The following HPF1 variants were observed in gnomAD, a reference collection of about 807,000 sequenced individuals.
The protein encoded by HPF1 is UPF0609 protein C4orf27.
A neutral mutation model predicts 38.8 loss-of-function variants in HPF1; 35 were observed. That is an observed-to-expected ratio of 0.90 (90% confidence interval 0.69 to 1.19). The LOEUF (loss-of-function observed/expected upper bound fraction) is 1.19. Ranked by LOEUF, HPF1 falls within the 50% of genes most tolerant of loss-of-function variation. The probability of loss-of-function intolerance (pLI) is 0.00; values close to 1 mark genes in which losing one functional copy is unlikely to be tolerated. For missense variants in HPF1, 367 were observed against 405.8 expected (o/e 0.90, Z 0.82); for synonymous variants, 115 against 139.2 (o/e 0.83, Z 1.22).
intron 7 of HPF1, among the ~76,000 whole-genome samples, chr4:169,730,913 C>A (rs1236787292): frequency 6.6e-6 from 1 of 152,186 alleles, no homozygotes; most frequent in South Asian, 2.1e-4. Context: ...TTGTGTGAAC[C>A]TGGGCAAGAT....
In HPF1 at chr4:169,743,481, A is replaced by AT. The variant is rs71590033; in HGVS notation, c.498-1375dup. 7.9e-4 allele frequency among the ~76,000 whole-genome samples: 96 copies of AT among 121,154 alleles called. 1 individual carries two copies. The Middle Eastern group carries it at 0.031, about 39-fold the overall frequency. The allele number at this position is 121,154 out of a possible 152,430, so 79.5% of individuals were successfully genotyped here. ...CTATTATAACACTAAAGGTCGATAG[A>AT]TTTTTTTTTTAATGTTGAAGTTTGT... On this transcript the variant is annotated intron_variant, in intron 4 of 7. Transcript: ENST00000393381.
In HPF1 at chr4:169,740,208, G is replaced by A. The variant is rs1257460043; in HGVS notation, c.648+1749C>T. Among the ~76,000 whole-genome samples the A allele has an allele frequency of 3.9e-5, 6 of 152,228 alleles. No individual in the cohort carries two copies. In the South Asian group the frequency reaches 8.3e-4, roughly 21 times the overall value. ...GCAGAGAGCCAATTAGTAAGAAGAT[G>A]GGGTGGAAAGAATGCTAAATATGGA... On this transcript the variant is annotated intron_variant, in intron 5 of 7. Transcript: ENST00000393381.
chr4:169,751,873 T>C (rs1734123542), intron 2 of HPF1, among the ~76,000 whole-genome samples: 1 of 152,206 alleles, frequency 6.6e-6, no homozygotes, highest in Non-Finnish European at 1.5e-5. Flanking sequence ...TATTATACAG[T>C]AACAAATTTC....
chr4:169,752,026 T>A (rs1282268878), intron 2 of HPF1, among the ~76,000 whole-genome samples: 7 of 152,190 alleles, frequency 4.6e-5, no homozygotes, highest in Admixed American at 3.3e-4. Context: ...TTATTTGACA[T>A]GATTTTTTAA....
At chr4:169,756,044 A>C (rs145605019) in intron 1 of HPF1, among the ~76,000 whole-genome samples, 2 of 152,384 alleles carry the variant, frequency 1.3e-5, no homozygotes, top group Non-Finnish European at 1.5e-5. Context: ...TTGAACAATG[A>C]ATCCAAAAGT....
chr4:169,750,764 C>T (rs1560891302), intron 2 of HPF1, 39 bp from the exon 3 acceptor site: 5 of 1,428,580 alleles, frequency 3.5e-6, no homozygotes, highest in Non-Finnish European at 3.8e-6. Flanking sequence ...TTTCTGGAGA[C>T]AGGTAGGAAA....
chr4:169,752,428 T>C (rs1333180199), intron 2 of HPF1, among the ~76,000 whole-genome samples: 1 of 152,166 alleles, frequency 6.6e-6, no homozygotes, highest in African/African-American at 2.4e-5. Context: ...TTTCCATCAA[T>C]AGTGTATGAC....
chr4:169,752,266 G>A (rs146242845), intron 2 of HPF1, among the ~76,000 whole-genome samples: 1,660 of 150,748 alleles, frequency 0.011, 41 homozygotes, highest in African/African-American at 0.039. Context: ...CGCCTCCTGG[G>A]TTCAAGCAAT....
intron 2 of HPF1, among the ~76,000 whole-genome samples, chr4:169,751,469 C>A (rs1334157262): frequency 1.3e-5 from 2 of 151,706 alleles, no homozygotes; most frequent in Non-Finnish European, 2.9e-5. Context: ...GCTAATCACA[C>A]CAGATTCCCC....
chr4:169,743,403 C>A lies in HPF1; in HGVS notation c.498-1296G>T, dbSNP rs1002290745. Reference sequence around the variant, plus strand: ...GGGATTACAGGCGTGAGCCACTGCCCCTGGCCTTTTTTTTTTTTTTTTTTT... The same window carrying A: ...GGGATTACAGGCGTGAGCCACTGCCACTGGCCTTTTTTTTTTTTTTTTTTT... On this transcript the variant is annotated intron_variant, in intron 4 of 7. Transcript: ENST00000393381. Among the ~76,000 whole-genome samples, 7 of 141,266 alleles carry A rather than the reference C, an allele frequency of 5.0e-5. No homozygotes were observed. In the Admixed American group the frequency reaches 5.0e-4, roughly 10 times the overall value. The allele number at this position is 141,266 out of a possible 152,430, so 92.7% of individuals were successfully genotyped here.
intron 6 of HPF1, among the ~76,000 whole-genome samples, chr4:169,733,943 T>A (rs1007446036): frequency 6.6e-6 from 1 of 151,498 alleles, no homozygotes; most frequent in African/African-American, 2.4e-5. Flanking sequence ...AAATATACTA[T>A]ATACTAGTGC....
At chr4:169,742,740 C>A (rs573673130) in intron 4 of HPF1, among the ~76,000 whole-genome samples, 2 of 152,010 alleles carry the variant, frequency 1.3e-5, no homozygotes, top group Non-Finnish European at 2.9e-5. Flanking sequence ...TGCAGTGAAC[C>A]GAGATCGCGC....
intron 1 of HPF1, among the ~76,000 whole-genome samples, chr4:169,755,364 C>T (rs960880994): frequency 1.3e-5 from 2 of 151,978 alleles, no homozygotes. Context: ...TAAAAAAATA[C>T]AGTATTCTTG....
At chr4:169,747,862 G>T (rs1263841302) in intron 4 of HPF1, among the ~76,000 whole-genome samples, 1 of 152,228 alleles carries the variant, frequency 6.6e-6, no homozygotes, top group Non-Finnish European at 1.5e-5. Flanking sequence ...AGCAGCTGTA[G>T]CTGAGATCCC....
intron 4 of HPF1, among the ~76,000 whole-genome samples, chr4:169,746,755 C>T (rs968493961): frequency 6.6e-6 from 1 of 151,922 alleles, no homozygotes; most frequent in African/African-American, 2.4e-5. Flanking sequence ...CGTTATAATA[C>T]TTTAAAAGTA....
In HPF1 at chr4:169,751,419, A is replaced by AG. The variant is rs1280843370; in HGVS notation, c.209-695_209-694insC. 2.6e-5 allele frequency among the ~76,000 whole-genome samples: 4 copies of AG among 151,708 alleles called. No individual in the cohort carries two copies. In the East Asian group the frequency reaches 7.7e-4, roughly 29 times the overall value. On this transcript the variant is annotated intron_variant, in intron 2 of 7. Coordinates refer to ENST00000393381, the MANE Select transcript of HPF1 (RefSeq NM_017867.3). ...CTCTGTCTCAAAAAAAAAAAAAAAA[A>AG]AAAGGTAAAAAACATTTCTATCCCC...
chr4:169,753,835 A>T lies in HPF1; in HGVS notation c.49T>A (p.Cys17Ser), dbSNP rs1488032637. 2 of 1,602,922 alleles carry T rather than the reference A, an allele frequency of 1.2e-6. No homozygotes were observed. The highest frequency in any genetic ancestry group is 1.7e-6 in the Non-Finnish European group (2 of 1,176,676). The change falls in exon 2 of 8, where the codon TGT (cysteine) becomes AGT (serine). Residue 17 changes from cysteine (C) to serine (S), a missense_variant and splice_region_variant. Cys to Ser is a moderately radical substitution (Grantham distance 112). Transcript: ENST00000393381. ...TTCTTCACATCAGTTGTTTTTTCAC[A>T]CTGAAAATTGGCACACAAACTTTAG... is the stretch of plus-strand genomic sequence containing the variant. Reference protein sequence around the residue: ...KRRPGGEGPQCEKTTDVKKSK... With the variant: ...KRRPGGEGPQSEKTTDVKKSK...
At chr4:169,753,637 T>C in intron 2 of HPF1, 39 bp downstream of exon 2, 1 of 1,567,480 alleles carries the variant, frequency 6.4e-7, no homozygotes, top group Non-Finnish European at 8.7e-7. Flanking sequence ...ATTACATTAC[T>C]CTTTCCATTA....
chr4:169,751,521 G>A (rs1380749712), intron 2 of HPF1, among the ~76,000 whole-genome samples: 1 of 151,964 alleles, frequency 6.6e-6, no homozygotes, highest in African/African-American at 2.4e-5. Context: ...AACCCTGGAT[G>A]ACTCCATCTT....
Sources: gnomAD v4.1 joint callset for allele counts (sites outside exome capture counted in the v4.1 genomes callset) on GRCh38, gnomAD v4.1.1 for gene constraint, MANE v1.5 for transcripts, NCBI Gene and HGNC (gene_info 2026-07-23, HGNC 2026-07-21) for gene names.